Variants in LRRC61 observed in about 807,000 individuals in gnomAD.
LRRC61 encodes leucine-rich repeat-containing protein 61.
LRRC61 carries 9 observed loss-of-function variants against 15.1 expected under a neutral mutation model. The observed-to-expected ratio is 0.60, with a 90% CI of 0.36 to 1.04. The LOEUF is 1.04. Ranked by LOEUF, LRRC61 falls within the 50% of genes least tolerant of loss-of-function variation. The pLI is 0.01. For synonymous variants in LRRC61, 173 were observed against 158.6 expected (o/e 1.09, Z -0.68); for missense variants, 344 against 335.6 (o/e 1.03, Z -0.20).
chr7:150,337,786 C>A lies in LRRC61; in HGVS notation c.*145C>A. 2.4e-6 allele frequency: 2 copies of A among 838,178 alleles called. No individual in the cohort carries two copies. Among genetic ancestry groups the A allele is most frequent in the South Asian group, 2.0e-5 (1 of 49,408 alleles). 51.9% of individuals were successfully genotyped at this position (838,178 alleles called of 1,614,324 possible). On this transcript the variant is annotated 3_prime_UTR_variant, in exon 3 of 3. Coordinates refer to ENST00000359623, the MANE Select transcript of LRRC61 (RefSeq NM_001142928.2). ...TGCTTTATCCCTATCCTGAGAGCAG[C>A]CCCTCCCCACCATCCCTCCACATGC... is the stretch of plus-strand genomic sequence containing the variant.
intron 1 of LRRC61, among the ~76,000 whole-genome samples, chr7:150,325,143 G>A (rs906999236): frequency 2.0e-5 from 3 of 152,186 alleles, no homozygotes; most frequent in Non-Finnish European, 2.9e-5. Context: ...CTGTGGAGGC[G>A]CTCTCCATCA....
chr7:150,317,796 T>C, the LRRC61 span, among the ~76,000 whole-genome samples: 1 of 152,194 alleles, frequency 6.6e-6, no homozygotes, highest in Non-Finnish European at 1.5e-5. Flanking sequence ...TATTGAATTT[T>C]GTTGAATCCA....
intron 2 of LRRC61, among the ~76,000 whole-genome samples, chr7:150,327,078 C>G (rs1797978139): frequency 6.6e-6 from 1 of 152,098 alleles, no homozygotes; most frequent in Non-Finnish European, 1.5e-5. Flanking sequence ...CCTGCCATCT[C>G]TGGTGACCCT....
the LRRC61 span, among the ~76,000 whole-genome samples, chr7:150,317,958 G>T: frequency 6.6e-6 from 1 of 152,110 alleles, no homozygotes; most frequent in Non-Finnish European, 1.5e-5. Flanking sequence ...TCACAAGAGG[G>T]TGTTAAAAAG....
At position 150,337,787 on chromosome 7, in the gene LRRC61, C is replaced by A; in HGVS notation, c.*146C>A. The A allele has an allele frequency of 1.2e-6, 1 of 839,562 alleles. No homozygotes were observed. Among genetic ancestry groups the A allele is most frequent in the Non-Finnish European group, 1.8e-6 (1 of 552,608 alleles). 52.0% of individuals were successfully genotyped at this position (839,562 alleles called of 1,614,324 possible). ...GCTTTATCCCTATCCTGAGAGCAGC[C>A]CCTCCCCACCATCCCTCCACATGCT... is the stretch of plus-strand genomic sequence containing the variant. On this transcript the variant is annotated 3_prime_UTR_variant, in exon 3 of 3. Coordinates refer to ENST00000359623, the MANE Select transcript of LRRC61 (RefSeq NM_001142928.2).
At chr7:150,319,286 C>T (rs1336405719), upstream of LRRC61, among the ~76,000 whole-genome samples, 1 of 151,782 alleles carries the variant, frequency 6.6e-6, no homozygotes, top group African/African-American at 2.4e-5. Context: ...TGGCTCACCA[C>T]AAGCTCCGCC....
Position 150,335,583 on chromosome 7 carries a change from T to C in LRRC61, c.-144-1135T>C, listed in dbSNP as rs1798261394. Among the ~76,000 whole-genome samples, 1 of 152,116 alleles carries C rather than the reference T, an allele frequency of 6.6e-6. No homozygotes were observed. Among genetic ancestry groups the C allele is most frequent in the Non-Finnish European group, 1.5e-5 (1 of 68,028 alleles). On this transcript the variant is annotated intron_variant, in intron 2 of 2. Coordinates refer to ENST00000359623, the MANE Select transcript of LRRC61 (RefSeq NM_001142928.2). This position sits in a 1 kb window ranked among gnomAD's most constrained non-coding sequence, Gnocchi z 4.3. ...TAAGTGGATCAGGCTCTGGGCCTGG[T>C]TTCCTTGGAGAGGGGAAAATGAAAA...
chr7:150,336,785 C>A lies in LRRC61; in HGVS notation c.-77C>A. ...GGCACTGGCCTGGGTAGAGCCAGGG[C>A]GAGCACCAGCTGACCCCCAGTGGAA... On this transcript the variant is annotated 5_prime_UTR_variant, in exon 3 of 3. Coordinates refer to ENST00000359623, the MANE Select transcript of LRRC61 (RefSeq NM_001142928.2). 2 of 1,528,754 alleles carry A rather than the reference C, an allele frequency of 1.3e-6. No homozygotes were observed. Among genetic ancestry groups the A allele is most frequent in the Non-Finnish European group, 1.8e-6 (2 of 1,137,766 alleles). The allele number at this position is 1,528,754 out of a possible 1,614,324, so 94.7% of individuals were successfully genotyped here.
At position 150,330,843 on chromosome 7, in the gene LRRC61, CA is replaced by C. The variant is rs996652471; in HGVS notation, c.-145+4834del. 3 of 1,608,454 alleles carry C rather than the reference CA, an allele frequency of 1.9e-6. No individual in the cohort carries two copies. Among genetic ancestry groups the C allele is most frequent in the Middle Eastern group, 1.7e-4 (1 of 6,054 alleles). ...GAGCTCCGGGGTGGAGGGGAGAAGC[CA>C]GGGGGAGCCTCTGCAGAGCAGCAGC... On this transcript the variant is annotated intron_variant, in intron 2 of 2. Coordinates refer to ENST00000359623, the MANE Select transcript of LRRC61 (RefSeq NM_001142928.2). This position sits in a 1 kb window ranked among gnomAD's most constrained non-coding sequence, Gnocchi z 4.6.
In LRRC61 at chr7:150,337,548, G is replaced by A. The variant is rs1223016512; in HGVS notation, c.687G>A (p.Glu229=). Reference sequence around the variant, plus strand: ...GGCAGTTCCAGGACACACTGCAGGAGTGCTGGGACCTGGACCGCCAGGCCA... The same window carrying A: ...GGCAGTTCCAGGACACACTGCAGGAATGCTGGGACCTGGACCGCCAGGCCA... ...ACRQFQDTLQ[E]CWDLDRQASD... The change falls in exon 3 of 3, where the codon GAG becomes GAA. Residue 229 remains glutamate (E), a synonymous_variant. Coordinates refer to ENST00000359623, the MANE Select transcript of LRRC61 (RefSeq NM_001142928.2). 4 of 1,602,802 alleles carry A rather than the reference G, an allele frequency of 2.5e-6. No homozygotes were observed. In the South Asian group the frequency reaches 4.4e-5, roughly 18 times the overall value.
the LRRC61 span, among the ~76,000 whole-genome samples, chr7:150,316,535 G>A: frequency 6.7e-6 from 1 of 148,150 alleles, no homozygotes; most frequent in Non-Finnish European, 1.5e-5. Flanking sequence ...TGCCAGGCGG[G>A]AGTGCAGTGG....
the LRRC61 span, among the ~76,000 whole-genome samples, chr7:150,313,082 G>T: frequency 1.3e-5 from 2 of 152,136 alleles, no homozygotes; most frequent in Middle Eastern, 3.4e-3. Context: ...CATGCACCCC[G>T]TAACCCCCTC....
chr7:150,325,772 A>G (rs944416195), intron 1 of LRRC61, 69 bp from the exon 2 acceptor site: 3 of 152,448 alleles, frequency 2.0e-5, no homozygotes, highest in Admixed American at 1.3e-4. Context: ...ACACCTGGCC[A>G]CAAGTAACTT....
upstream of LRRC61, among the ~76,000 whole-genome samples, chr7:150,318,408 T>G (rs950411289): frequency 4.6e-5 from 7 of 152,228 alleles, no homozygotes; most frequent in African/African-American, 1.7e-4. Flanking sequence ...TGTTTTAGGC[T>G]ACCCTGTTTG....
chr7:150,316,492 T>A, the LRRC61 span, among the ~76,000 whole-genome samples: 7 of 147,044 alleles, frequency 4.8e-5, no homozygotes, highest in East Asian at 4.0e-4. Context: ...TATTTTTTTT[T>A]TTTTTTTTTT....
chr7:150,334,980 C>T, intron 2 of LRRC61, among the ~76,000 whole-genome samples: 1 of 151,312 alleles, frequency 6.6e-6, no homozygotes, highest in East Asian at 1.9e-4. Context: ...CGAGATCGCG[C>T]CATTGTGCCA....
intron 2 of LRRC61, chr7:150,331,163 C>T (rs764288670): frequency 1.3e-6 from 2 of 1,532,400 alleles, no homozygotes; most frequent in South Asian, 1.2e-5. Context: ...GAGCAAAACT[C>T]TTCTCTCAAG....
chr7:150,320,101 T>C (rs1465814067), upstream of LRRC61, among the ~76,000 whole-genome samples: 1 of 152,260 alleles, frequency 6.6e-6, no homozygotes, highest in Non-Finnish European at 1.5e-5. Flanking sequence ...GCCCATAGTG[T>C]GGATCCCATG....
chr7:150,322,470 T>C (rs1797630659), upstream of LRRC61, among the ~76,000 whole-genome samples: 1 of 152,340 alleles, frequency 6.6e-6, no homozygotes, highest in Non-Finnish European at 1.5e-5. Flanking sequence ...TGCATTAGCA[T>C]GCTAAAAGAC....
Sources: gnomAD v4.1 joint callset for allele counts (sites outside exome capture counted in the v4.1 genomes callset) on GRCh38, gnomAD v4.1.1 for gene constraint, Gnocchi (gnomAD v3.1) non-coding constraint, MANE v1.5 for transcripts, NCBI Gene and HGNC (gene_info 2026-07-23, HGNC 2026-07-21) for gene names.